Variants in ROBO1 observed in about 807,000 individuals in gnomAD.
ROBO1 encodes the protein roundabout homolog 1.
In ROBO1, 149 loss-of-function variants were observed where a neutral mutation model predicts 195.9. The ratio of observed to expected loss-of-function variants is 0.76; its 90% CI spans 0.67 to 0.87. The LOEUF is 0.87. ROBO1 is among the 40% of genes least tolerant of loss of function. ROBO1 has a pLI of 0.00. For missense variants in ROBO1, 1,933 were observed against 2,068.3 expected (o/e 0.93, Z 1.27); for synonymous variants, 816 against 733.2 (o/e 1.11, Z -1.82).
At chr3:79,209,336 C>A (rs2081929638) in intron 2 of ROBO1, among the ~76,000 whole-genome samples, 1 of 152,114 alleles carries the variant, frequency 6.6e-6, no homozygotes. Context: ...CCTTTTTATG[C>A]CTGAGTAGTA....
At chr3:79,209,449 A>T (rs914334153) in intron 2 of ROBO1, among the ~76,000 whole-genome samples, 1 of 152,068 alleles carries the variant, frequency 6.6e-6, no homozygotes, top group Non-Finnish European at 1.5e-5. Flanking sequence ...TTCTATAAAC[A>T]TGCATGTGCA....
chr3:78,821,161 A>ATTT (rs71631622), intron 4 of ROBO1, among the ~76,000 whole-genome samples: 38 of 122,206 alleles, frequency 3.1e-4, no homozygotes, highest in East Asian at 4.6e-4. Context: ...TATGATACTG[A>ATTT]TTTTTTTTTT....
At chr3:78,918,421 C>T (rs1209900364) in intron 4 of ROBO1, among the ~76,000 whole-genome samples, 1 of 151,966 alleles carries the variant, frequency 6.6e-6, no homozygotes, top group Non-Finnish European at 1.5e-5. Flanking sequence ...AGTTATTAAC[C>T]CAGGAAAGAT....
chr3:79,231,258 A>G (rs1438503522), intron 2 of ROBO1, among the ~76,000 whole-genome samples: 2 of 152,188 alleles, frequency 1.3e-5, no homozygotes, highest in Non-Finnish European at 2.9e-5. Flanking sequence ...ACAGCAAAAG[A>G]CTGTTAGCAG....
At chr3:78,706,925 C>G (rs1393655465) in intron 8 of ROBO1, among the ~76,000 whole-genome samples, 1 of 152,018 alleles carries the variant, frequency 6.6e-6, no homozygotes, top group African/African-American at 2.4e-5. Context: ...GCTGCATTGC[C>G]AACAAGTCAA....
intron 3 of ROBO1, among the ~76,000 whole-genome samples, chr3:78,952,583 C>G (rs1192681516): frequency 7.9e-5 from 12 of 151,844 alleles, no homozygotes; most frequent in Admixed American, 5.9e-4. Flanking sequence ...AAGGCAGCAC[C>G]CATTAATTAC....
In ROBO1 at chr3:79,650,084, A is replaced by G. The variant is rs189880989; in HGVS notation, c.-50-60123T>C. Among the ~76,000 whole-genome samples, 283 of 152,176 alleles carry G rather than the reference A, an allele frequency of 1.9e-3. 1 individual carries two copies. The highest frequency in any genetic ancestry group is 6.4e-3 in the African/African-American group (265 of 41,568). ...CAAATAAATGAGGAGGAAGAAAATAATTAAGATGAAAATATAATTGAGAAC... is the reference window on the plus strand; with the variant it reads ...CAAATAAATGAGGAGGAAGAAAATAGTTAAGATGAAAATATAATTGAGAAC... On this transcript the variant is annotated intron_variant, in intron 1 of 30. Coordinates refer to ENST00000464233, the MANE Select transcript of ROBO1 (RefSeq NM_002941.4).
chr3:79,482,443 T>C (rs1209958188), intron 2 of ROBO1, among the ~76,000 whole-genome samples: 1 of 152,168 alleles, frequency 6.6e-6, no homozygotes, highest in African/African-American at 2.4e-5. Flanking sequence ...AATGGTTTTA[T>C]AAGGGTAAAC....
intron 1 of ROBO1, among the ~76,000 whole-genome samples, chr3:79,677,290 G>GTTT (rs1946811298): frequency 6.6e-6 from 1 of 152,014 alleles, no homozygotes; most frequent in African/African-American, 2.4e-5. Flanking sequence ...CATGGCATGT[G>GTTT]TTAGTCTGTT....
At chr3:78,797,082 A>T (rs2108553985) in intron 4 of ROBO1, among the ~76,000 whole-genome samples, 1 of 152,066 alleles carries the variant, frequency 6.6e-6, no homozygotes, top group South Asian at 2.1e-4. Flanking sequence ...CCTCTTGAAG[A>T]TTTTCTAACT....
At chr3:79,734,699 T>A (rs1703304290) in intron 1 of ROBO1, among the ~76,000 whole-genome samples, 1 of 151,786 alleles carries the variant, frequency 6.6e-6, no homozygotes, top group Middle Eastern at 3.2e-3. Context: ...ACAAGTCACC[T>A]AGGGATTTTG....
chr3:79,170,384 G>A (rs2108691440), intron 2 of ROBO1, among the ~76,000 whole-genome samples: 1 of 152,096 alleles, frequency 6.6e-6, no homozygotes, highest in Non-Finnish European at 1.5e-5. Context: ...AACAATCAAA[G>A]GTCACTCTTC....
chr3:79,299,887 T>C (rs1160937969), intron 2 of ROBO1, among the ~76,000 whole-genome samples: 1 of 151,374 alleles, frequency 6.6e-6, no homozygotes, highest in African/African-American at 2.4e-5. Context: ...TACTAAATTC[T>C]CTTAAAGATA....
intron 2 of ROBO1, among the ~76,000 whole-genome samples, chr3:79,549,484 A>G (rs768010417): frequency 1.3e-5 from 2 of 152,258 alleles, no homozygotes; most frequent in African/African-American, 4.8e-5. Flanking sequence ...CCAACTGCAG[A>G]TTGAAATTAT....
intron 2 of ROBO1, among the ~76,000 whole-genome samples, chr3:79,208,008 AG>A (rs1233574161): frequency 6.6e-6 from 1 of 152,190 alleles, no homozygotes; most frequent in Non-Finnish European, 1.5e-5. Flanking sequence ...CTCTAAAAAA[AG>A]TTTTATTTGT....
intron 4 of ROBO1, among the ~76,000 whole-genome samples, chr3:78,811,779 T>C (rs533578665): frequency 6.6e-6 from 1 of 152,276 alleles, no homozygotes; most frequent in South Asian, 2.1e-4. Context: ...ATTTGTTATA[T>C]GTGTCTCAAA....
chr3:79,519,143 G>T (rs978461432), intron 2 of ROBO1, among the ~76,000 whole-genome samples: 8 of 152,126 alleles, frequency 5.3e-5, no homozygotes, highest in Non-Finnish European at 1.5e-5. Context: ...CCTGGATTCT[G>T]GAATGAGCTC....
chr3:79,546,979 A>T (rs973985091), intron 2 of ROBO1, among the ~76,000 whole-genome samples: 12 of 151,998 alleles, frequency 7.9e-5, no homozygotes, highest in African/African-American at 2.9e-4. Context: ...CAGGAGATCA[A>T]GACCATCTTG....
chr3:79,264,471 T>C (rs961207948), intron 2 of ROBO1, among the ~76,000 whole-genome samples: 2 of 152,000 alleles, frequency 1.3e-5, no homozygotes, highest in African/African-American at 2.4e-5. Context: ...TATTCATGCA[T>C]TCAACTATTC....
Sources: allele counts gnomAD v4.1 joint callset (sites outside exome capture counted in the v4.1 genomes callset), GRCh38; gene constraint gnomAD v4.1.1; transcripts MANE v1.5; gene names NCBI Gene and HGNC (gene_info 2026-07-23, HGNC 2026-07-21).